Variants in TAFA2 observed in about 807,000 individuals in gnomAD.
TAFA2 encodes the protein chemokine-like protein TAFA-2.
In TAFA2, 7 loss-of-function variants were observed where a neutral mutation model predicts 18.8. That is an observed-to-expected ratio of 0.37 (90% CI 0.21 to 0.70). The LOEUF (loss-of-function observed/expected upper bound fraction) is 0.70. Ranked by LOEUF, TAFA2 falls within the 30% of genes least tolerant of loss-of-function variation. The pLI is 0.53. For synonymous variants in TAFA2, 60 were observed against 54.2 expected (o/e 1.11, Z -0.47); for missense variants, 122 against 158.1 (o/e 0.77, Z 1.23).
intron 1 of TAFA2, among the ~76,000 whole-genome samples, chr12:62,067,679 T>C (rs1234128254): frequency 6.6e-6 from 1 of 152,086 alleles, no homozygotes; most frequent in Non-Finnish European, 1.5e-5. Flanking sequence ...TCTATGTCTG[T>C]TTTTATGGCA....
At chr12:62,002,252 G>A (rs1470074742) in intron 1 of TAFA2, among the ~76,000 whole-genome samples, 1 of 152,078 alleles carries the variant, frequency 6.6e-6, no homozygotes, top group Admixed American at 6.6e-5. Context: ...ATAATAAAAA[G>A]GGAAAATTTC....
At position 61,875,338 on chromosome 12, in the gene TAFA2, T is replaced by G. The variant is rs535792046; in HGVS notation, c.-1-7912A>C. The stretch of plus-strand genomic sequence containing the variant: ...CTTTCTTTCTCTGCATTTCTGTTTT[T>G]TATTCAGTGCTCCTCTCCTTATCAA... On this transcript the variant is annotated intron_variant, in intron 1 of 4. Coordinates refer to ENST00000416284, the MANE Select transcript of TAFA2 (RefSeq NM_178539.5). 8.5e-5 allele frequency among the ~76,000 whole-genome samples: 13 copies of G among 152,102 alleles called. No homozygotes were observed. The South Asian group carries it at 1.0e-3, about 12-fold the overall frequency.
intron 4 of TAFA2, among the ~76,000 whole-genome samples, chr12:61,746,696 G>A (rs1038484432): frequency 6.6e-6 from 1 of 152,098 alleles, no homozygotes; most frequent in Admixed American, 6.6e-5. Context: ...ATAAAAAGAT[G>A]AATATACCCT....
intron 1 of TAFA2, among the ~76,000 whole-genome samples, chr12:62,106,614 A>G (rs759209637): frequency 3.3e-5 from 5 of 152,210 alleles, no homozygotes; most frequent in Admixed American, 6.5e-5. Flanking sequence ...AAAAATTGCT[A>G]TAGATGACAC....
intron 1 of TAFA2, among the ~76,000 whole-genome samples, chr12:61,957,084 A>G (rs1027331598): frequency 3.3e-5 from 5 of 152,130 alleles, no homozygotes; most frequent in African/African-American, 9.7e-5. Flanking sequence ...GCTGACAGAG[A>G]TGGCAGTTAA....
At chr12:62,108,063 G>T (rs546656209) in intron 1 of TAFA2, among the ~76,000 whole-genome samples, 1 of 151,860 alleles carries the variant, frequency 6.6e-6, no homozygotes, top group African/African-American at 2.4e-5. Flanking sequence ...AGGTATACAC[G>T]TGCCATGGTG....
At chr12:62,189,191 TA>T (rs60410986) in intron 1 of TAFA2, among the ~76,000 whole-genome samples, 16,726 of 148,602 alleles carry the variant, frequency 0.11, 980 homozygotes, top group Middle Eastern at 0.18. Flanking sequence ...GATTTTCACA[TA>T]AAAAAAAAAA....
In TAFA2 at chr12:61,883,101, T is replaced by C. The variant is rs1297316028; in HGVS notation, c.-1-15675A>G. On this transcript the variant is annotated intron_variant, in intron 1 of 4. Transcript: ENST00000416284. The stretch of plus-strand genomic sequence containing the variant: ...CTGTGAAAATGACAAGGTCCCTGCC[T>C]GCACACATGGAGCCCATAATCTGAT... Among the ~76,000 whole-genome samples the C allele has an allele frequency of 2.6e-5, 4 of 152,206 alleles. No homozygotes were observed. The East Asian group carries it at 7.7e-4, about 29-fold the overall frequency.
intron 1 of TAFA2, among the ~76,000 whole-genome samples, chr12:61,874,816 A>T (rs1874771568): frequency 6.6e-6 from 1 of 152,162 alleles, no homozygotes; most frequent in South Asian, 2.1e-4. Context: ...GATCAAGGCT[A>T]AGCTACATCA....
intron 2 of TAFA2, among the ~76,000 whole-genome samples, chr12:61,852,173 T>C (rs1873700440): frequency 6.8e-6 from 1 of 146,806 alleles, no homozygotes; most frequent in African/African-American, 2.6e-5. Context: ...GCCATTGCAC[T>C]CCAGCCTGGG....
intron 2 of TAFA2, among the ~76,000 whole-genome samples, chr12:61,792,498 T>C (rs944951042): frequency 2.6e-5 from 4 of 151,644 alleles, no homozygotes; most frequent in Non-Finnish European, 4.4e-5. Context: ...AAACATATCA[T>C]TGTGCCCCAT....
chr12:62,213,984 C>A (rs1328574326), intron 1 of TAFA2, among the ~76,000 whole-genome samples: 1 of 152,180 alleles, frequency 6.6e-6, no homozygotes, highest in African/African-American at 2.4e-5. Flanking sequence ...TCCCAGTTTG[C>A]ATCATTACCA....
chr12:62,086,612 T>A (rs913704556), intron 1 of TAFA2, among the ~76,000 whole-genome samples: 1 of 151,990 alleles, frequency 6.6e-6, no homozygotes, highest in African/African-American at 2.4e-5. Flanking sequence ...TTCATACATA[T>A]AAAGGATGGC....
intron 1 of TAFA2, chr12:62,252,981 G>A (rs985459481): frequency 6.6e-6 from 1 of 152,136 alleles, no homozygotes; most frequent in Admixed American, 6.5e-5. Context: ...TAATAGAAGG[G>A]ATCCATGTAA....
intron 1 of TAFA2, among the ~76,000 whole-genome samples, chr12:62,011,885 T>C (rs1308643193): frequency 1.3e-5 from 2 of 151,968 alleles, no homozygotes; most frequent in African/African-American, 2.4e-5. Context: ...ATCTGTAAAA[T>C]AGAGCTAAAG....
At chr12:61,997,093 A>AC (rs1880214439) in intron 1 of TAFA2, among the ~76,000 whole-genome samples, 1 of 152,122 alleles carries the variant, frequency 6.6e-6, no homozygotes, top group African/African-American at 2.4e-5. Context: ...AATAATAAAC[A>AC]AATAAACACA....
intron 1 of TAFA2, chr12:61,880,082 C>T (rs1875053334): frequency 1.5e-6 from 1 of 647,862 alleles, no homozygotes; most frequent in Non-Finnish European, 2.8e-6. Context: ...CAGCCACTCC[C>T]TGGACATGGA....
intron 1 of TAFA2, chr12:62,235,576 C>T (rs758662265): frequency 6.2e-6 from 2 of 324,488 alleles, no homozygotes; most frequent in African/African-American, 2.2e-5. Flanking sequence ...ACCACGGCAT[C>T]GCAGGTGGTT....
chr12:61,812,063 C>T (rs1292482021), intron 2 of TAFA2, among the ~76,000 whole-genome samples: 4 of 151,292 alleles, frequency 2.6e-5, no homozygotes, highest in African/African-American at 9.8e-5. Flanking sequence ...AGAAGGCCTA[C>T]TCAAAAATCT....
Sources: gnomAD v4.1 joint callset for allele counts (sites outside exome capture counted in the v4.1 genomes callset) on GRCh38, gnomAD v4.1.1 for gene constraint, MANE v1.5 for transcripts, NCBI Gene and HGNC (gene_info 2026-07-23, HGNC 2026-07-21) for gene names.